Variants in STK25 observed in about 807,000 individuals in gnomAD.
STK25 encodes the protein serine/threonine kinase 25.
Under a neutral mutation model 53.8 loss-of-function variants are expected in STK25, and 29 were observed. The observed-to-expected ratio is 0.54, with a 90% CI of 0.40 to 0.74. The LOEUF is 0.74. Among genes scored for constraint, STK25 ranks in the 30% least tolerant of loss-of-function variants. STK25 has a pLI of 0.00. For missense variants in STK25, 420 were observed against 568.0 expected (o/e 0.74, Z 2.65); for synonymous variants, 247 against 238.3 (o/e 1.04, Z -0.33).
intron 11 of STK25, 103 bp from the exon 12 acceptor site, chr2:241,495,804 C>G: frequency 8.3e-7 from 1 of 1,205,452 alleles, no homozygotes. Context: ...GACAAGCCAC[C>G]GCACCACGTG....
intron 9 of STK25, 49 bp from the exon 10 acceptor site, chr2:241,497,736 G>A: frequency 1.9e-6 from 3 of 1,568,724 alleles, no homozygotes; most frequent in Non-Finnish European, 2.6e-6. Flanking sequence ...CAGGTGACAG[G>A]CAGGGCACTC....
Position 241,493,243 on chromosome 2 carries a change from C to T in STK25, c.*2419G>A, listed in dbSNP as rs1471543490. 3.8e-6 allele frequency: 6 copies of T among 1,594,036 alleles called. No homozygotes were observed. Among genetic ancestry groups the T allele is most frequent in the Non-Finnish European group, 5.1e-6 (6 of 1,165,206 alleles). The stretch of plus-strand genomic sequence containing the variant: ...TGCAGGTAGCAGAGGAATGGGCATT[C>T]CCTGTGGCAACCCAGCCCCTGGAAC... On this transcript the variant is annotated 3_prime_UTR_variant, in exon 12 of 12. Coordinates refer to ENST00000316586, the MANE Select transcript of STK25 (RefSeq NM_001271977.2).
intron 10 of STK25, 130 bp downstream of exon 10, chr2:241,497,486 C>G: frequency 3.2e-6 from 3 of 929,552 alleles, no homozygotes; most frequent in Non-Finnish European, 1.7e-6. Flanking sequence ...AAAACCCAGC[C>G]CACAATCAGC....
At position 241,501,269 on chromosome 2, in the gene STK25, G is replaced by A; in HGVS notation, c.261+209C>T. On this transcript the variant is annotated intron_variant, in intron 3 of 11. Coordinates refer to ENST00000316586, the MANE Select transcript of STK25 (RefSeq NM_001271977.2). This position sits in a 1 kb window ranked among gnomAD's most constrained non-coding sequence, Gnocchi z 5.3. ...CAGCGCCCTCACTGCATTACCACAG[G>A]CAGGCAAGTGGGTCCCAATGGCCAT... is the stretch of plus-strand genomic sequence containing the variant. 1 of 626,636 alleles carries A rather than the reference G, an allele frequency of 1.6e-6. No homozygotes were observed. Among genetic ancestry groups the A allele is most frequent in the Admixed American group, 2.3e-5 (1 of 42,678 alleles). 38.8% of individuals were successfully genotyped at this position (626,636 alleles called of 1,614,324 possible).
intron 9 of STK25, 29 bp downstream of exon 9, chr2:241,498,206 A>G: frequency 6.3e-7 from 1 of 1,596,656 alleles, no homozygotes; most frequent in Non-Finnish European, 8.6e-7. Context: ...AGGGGTGCAC[A>G]GAGGGCAAAG....
chr2:241,509,123 TCA>T (rs1017255400), upstream of STK25: 1 of 152,378 alleles, frequency 6.6e-6, no homozygotes, highest in African/African-American at 2.4e-5. Context: ...CCGCCCGGGA[TCA>T]CGCGCACAGG....
chr2:241,502,498 G>T (rs1574954475), intron 2 of STK25, among the ~76,000 whole-genome samples: 1 of 152,260 alleles, frequency 6.6e-6, no homozygotes, highest in African/African-American at 2.4e-5. Context: ...AGCACTCTGG[G>T]AGGCCAAGGC....
Position 241,495,059 on chromosome 2 carries a change from C to T in STK25, c.*603G>A, listed in dbSNP as rs1253971976. On this transcript the variant is annotated 3_prime_UTR_variant, in exon 12 of 12. Transcript: ENST00000316586. ...TTTATTGAAAGTGGCAGGGGCCTCT[C>T]AATGTTCTATGAAAACTAACATATT... 6.6e-6 allele frequency: 1 copy of T among 152,348 alleles called. No homozygotes were observed. The highest frequency in any genetic ancestry group is 1.5e-5 in the Non-Finnish European group (1 of 68,178). 9.4% of individuals were successfully genotyped at this position (152,348 alleles called of 1,614,324 possible).
At chr2:241,502,108 G>A (rs1015444026) in intron 2 of STK25, 2 of 204,250 alleles carry the variant, frequency 9.8e-6, no homozygotes, top group Non-Finnish European at 2.0e-5. Flanking sequence ...AGGTTGCAGT[G>A]AGCCAAGACC....
Position 241,508,148 on chromosome 2 carries a change from C to G in STK25, c.-100-13G>C, listed in dbSNP as rs1339057968. ...CGGCGTCAGTCCACTGCGAGGGACA[C>G]CAGGGGCGCTCGGTGCCCAGTTCAG... On this transcript the variant is annotated splice_polypyrimidine_tract_variant and intron_variant, in intron 1 of 11. Coordinates refer to ENST00000316586, the MANE Select transcript of STK25 (RefSeq NM_001271977.2). 2 of 1,476,848 alleles carry G rather than the reference C, an allele frequency of 1.4e-6. No homozygotes were observed. Among genetic ancestry groups the G allele is most frequent in the Non-Finnish European group, 1.8e-6 (2 of 1,116,444 alleles). The allele number at this position is 1,476,848 out of a possible 1,614,324, so 91.5% of individuals were successfully genotyped here. A position where few individuals can be genotyped will look rare whatever the true frequency, so the allele number is the denominator to read the frequency against.
chr2:241,508,113 C>T lies in STK25; in HGVS notation c.-78G>A. Reference sequence around the variant, plus strand: ...CGCGGAGAGGCGCGGAGCCGGCTAGCTCGCCCCTGCGGCGTCAGTCCACTG... The same window carrying T: ...CGCGGAGAGGCGCGGAGCCGGCTAGTTCGCCCCTGCGGCGTCAGTCCACTG... On this transcript the variant is annotated 5_prime_UTR_variant, in exon 2 of 12. Transcript: ENST00000316586. 2 of 1,538,166 alleles carry T rather than the reference C, an allele frequency of 1.3e-6. No homozygotes were observed. The highest frequency in any genetic ancestry group is 1.7e-6 in the Non-Finnish European group (2 of 1,142,980).
chr2:241,493,780 A>G lies in STK25; in HGVS notation c.*1882T>C. 1 of 483,314 alleles carries G rather than the reference A, an allele frequency of 2.1e-6. No homozygotes were observed. The highest frequency in any genetic ancestry group is 3.7e-6 in the Non-Finnish European group (1 of 271,750). 29.9% of individuals were successfully genotyped at this position (483,314 alleles called of 1,614,324 possible). On this transcript the variant is annotated 3_prime_UTR_variant, in exon 12 of 12. Coordinates refer to ENST00000316586, the MANE Select transcript of STK25 (RefSeq NM_001271977.2). ...CCTGGCTAATTTTTGTATTTTTAGT[A>G]GAGACAGGGTTTCACCATGTTGGCC...
chr2:241,495,770 TG>T, intron 11 of STK25, 69 bp from the exon 12 acceptor site: 2 of 1,575,642 alleles, frequency 1.3e-6, no homozygotes, highest in Non-Finnish European at 1.7e-6. Context: ...GCCTCTTGGG[TG>T]TGCAGTCTGC....
In STK25 at chr2:241,500,163, C is replaced by A. The variant is rs1278751076; in HGVS notation, c.427+10G>T. 1 of 1,611,284 alleles carries A rather than the reference C, an allele frequency of 6.2e-7. No homozygotes were observed. Among genetic ancestry groups the A allele is most frequent in the African/African-American group, 1.3e-5 (1 of 74,844 alleles). On this transcript the variant is annotated intron_variant, in intron 5 of 11. Transcript: ENST00000316586. The stretch of plus-strand genomic sequence containing the variant: ...GACGTTACAAGAGCCACATCCACCC[C>A]CAGCAGGACCTTTGATGTCTCGGTG...
chr2:241,495,462 C>T lies in STK25; in HGVS notation c.*200G>A, dbSNP rs1424440674. ...GGAGGGCAGTGGGCATAGAGAACAG[C>T]GTCCCTGACGTGCACAACAGCACAC... On this transcript the variant is annotated 3_prime_UTR_variant, in exon 12 of 12. Coordinates refer to ENST00000316586, the MANE Select transcript of STK25 (RefSeq NM_001271977.2). 1.2e-5 allele frequency: 7 copies of T among 594,424 alleles called. No homozygotes were observed. The highest frequency in any genetic ancestry group is 2.0e-5 in the South Asian group (1 of 49,464). 36.8% of individuals were successfully genotyped at this position (594,424 alleles called of 1,614,324 possible). A position where few individuals can be genotyped will look rare whatever the true frequency, so the allele number is the denominator to read the frequency against.
In STK25 at chr2:241,501,655, C is replaced by T. The variant is rs774807421; in HGVS notation, c.84G>A (p.Lys28=). 1 of 1,614,060 alleles carries T rather than the reference C, an allele frequency of 6.2e-7. No individual in the cohort carries two copies. The highest frequency in any genetic ancestry group is 8.5e-7 in the Non-Finnish European group (1 of 1,180,024). The change falls in exon 3 of 12, where the codon AAG becomes AAA. Residue 28 remains lysine, a synonymous_variant. Coordinates refer to ENST00000316586, the MANE Select transcript of STK25 (RefSeq NM_001271977.2). The surrounding 1 kb of genome is among the most constrained non-coding windows in gnomAD (Gnocchi z 5.3). ...ELFTKLDRIG[K]GSFGEVYKGI... is the part of the protein sequence containing the mutation. The stretch of plus-strand genomic sequence containing the variant: ...CCTTGTAGACCTCCCCAAACGAGCC[C>T]TTGCCAATGCGGTCGAGCTTGGTGA...
Position 241,496,655 on chromosome 2 carries a change from G to T in STK25, c.1105-121C>A. 8.5e-7 allele frequency: 1 copy of T among 1,172,478 alleles called. No individual in the cohort carries two copies. The highest frequency in any genetic ancestry group is 1.2e-6 in the Non-Finnish European group (1 of 851,302). The allele number at this position is 1,172,478 out of a possible 1,614,324, so 72.6% of individuals were successfully genotyped here. On this transcript the variant is annotated intron_variant, in intron 10 of 11. Coordinates refer to ENST00000316586, the MANE Select transcript of STK25 (RefSeq NM_001271977.2). The surrounding 1 kb of genome is among the most constrained non-coding windows in gnomAD (Gnocchi z 5.8). ...GGGCTCTCGCCTAGGAGCCACACCC[G>T]GGAGCCCTTCAGCAAGCCGGGAAGT...
chr2:241,507,115 C>T (rs1175429387), intron 2 of STK25, among the ~76,000 whole-genome samples: 3 of 152,192 alleles, frequency 2.0e-5, no homozygotes, highest in African/African-American at 4.8e-5. Context: ...ATTTTAGCGG[C>T]GATTCCAACG....
intron 11 of STK25, 36 bp from the exon 12 acceptor site, chr2:241,495,737 CCT>C (rs1559825226): frequency 1.2e-6 from 2 of 1,613,348 alleles, no homozygotes; most frequent in Admixed American, 3.3e-5. Context: ...CGTGCGTGCA[CCT>C]CTGTGCCCAG....
Sources: gnomAD v4.1 joint callset for allele counts (sites outside exome capture counted in the v4.1 genomes callset) on GRCh38, gnomAD v4.1.1 for gene constraint, Gnocchi (gnomAD v3.1) non-coding constraint, MANE v1.5 for transcripts, NCBI Gene and HGNC (gene_info 2026-07-23, HGNC 2026-07-21) for gene names.